SH2D2A: variants seen among roughly 807,000 people sequenced by gnomAD.
The protein encoded by SH2D2A is SH2 domain-containing protein 2A.
A neutral mutation model predicts 43.6 loss-of-function variants in SH2D2A; 33 were observed. That is an observed-to-expected ratio of 0.76 (90% CI 0.57 to 1.01). The LOEUF (loss-of-function observed/expected upper bound fraction) is 1.01. Among genes scored for constraint, SH2D2A ranks in the 50% least tolerant of loss-of-function variants. SH2D2A has a pLI of 0.00. For synonymous variants in SH2D2A, 212 were observed against 206.1 expected, an observed-to-expected ratio of 1.03 and a Z score of -0.25; for missense variants, 491 against 503.1, an observed-to-expected ratio of 0.98 and a Z score of 0.23.
Position 156,814,558 on chromosome 1 carries a change from G to A in SH2D2A, c.309-264C>T, listed in dbSNP as rs76696813. ...CATCCTGAAAGGGCAGCCTGCAGGGGCTGCTACTGCAGCTACAGGGATGGG... is the reference window on the plus strand; with the variant it reads ...CATCCTGAAAGGGCAGCCTGCAGGGACTGCTACTGCAGCTACAGGGATGGG... On this transcript the variant is annotated intron_variant, in intron 3 of 8. Transcript: ENST00000368199. 1.5e-3 allele frequency: 834 copies of A among 538,276 alleles called. 2 individuals are homozygous for A. The highest frequency in any genetic ancestry group is 0.015 in the African/African-American group (765 of 51,758). The allele number at this position is 538,276 out of a possible 1,614,324, so 33.3% of individuals were successfully genotyped here.
chr1:156,814,315 G>T, intron 3 of SH2D2A, 21 bp from the exon 4 acceptor site: 1 of 1,609,768 alleles, frequency 6.2e-7, no homozygotes. Flanking sequence ...CGGAGAGAGG[G>T]GGCCGAACCC....
At chr1:156,813,359 A>C (rs563445208) in intron 5 of SH2D2A, among the ~76,000 whole-genome samples, 52 of 152,272 alleles carry the variant, frequency 3.4e-4, no homozygotes, top group African/African-American at 1.3e-3. Flanking sequence ...GTCAAAGCTG[A>C]AAATACCAGG....
At chr1:156,812,127 A>T (rs1653461805) in intron 5 of SH2D2A, among the ~76,000 whole-genome samples, 1 of 151,778 alleles carries the variant, frequency 6.6e-6, no homozygotes, top group African/African-American at 2.4e-5. Context: ...AATCCCACAA[A>T]AACCCAGCAG....
intron 3 of SH2D2A, 72 bp downstream of exon 3, chr1:156,814,965 G>T: frequency 7.6e-7 from 1 of 1,315,892 alleles, no homozygotes; most frequent in Non-Finnish European, 1.0e-6. Context: ...ATCTATTCCT[G>T]GCAGGTGGCA....
chr1:156,816,364 G>A (rs914260286), intron 1 of SH2D2A, among the ~76,000 whole-genome samples: 2 of 152,166 alleles, frequency 1.3e-5, no homozygotes, highest in African/African-American at 4.8e-5. Context: ...GGATGGTCAG[G>A]GAGGCAGATC....
intron 2 of SH2D2A, 118 bp downstream of exon 2, chr1:156,815,888 C>A (rs1653863344): frequency 6.2e-7 from 1 of 1,613,652 alleles, no homozygotes; most frequent in East Asian, 2.2e-5. Context: ...CGTTGGCAGA[C>A]CCGGATCATT....
At position 156,816,740 on chromosome 1, in the gene SH2D2A, G is replaced by C. The variant is rs374433025; in HGVS notation, c.-32C>G. The C allele has an allele frequency of 1.1e-5, 18 of 1,580,228 alleles. No individual in the cohort carries two copies. Among genetic ancestry groups the C allele is most frequent in the Non-Finnish European group, 1.5e-5 (18 of 1,163,128 alleles). On this transcript the variant is annotated 5_prime_UTR_variant, in exon 1 of 9. Transcript: ENST00000368199. ...AGCCTCACAAGGGATCCCAGAGCAG[G>C]GTGTGTGTATGTGTTCCGGAAAGGT...
At chr1:156,815,743 A>G (rs903106341) in intron 2 of SH2D2A, 54 of 1,485,708 alleles carry the variant, frequency 3.6e-5, no homozygotes, top group Middle Eastern at 1.7e-4. Flanking sequence ...CTGGGACTCA[A>G]TGCACTGCAC....
chr1:156,808,786 T>C (rs1653163865), intron 7 of SH2D2A, among the ~76,000 whole-genome samples: 1 of 152,270 alleles, frequency 6.6e-6, no homozygotes, highest in African/African-American at 2.4e-5. Context: ...AGTGCTCTTT[T>C]TCTCCAGGAC....
At position 156,815,747 on chromosome 1, in the gene SH2D2A, A is replaced by G. The variant is rs563084655; in HGVS notation, c.123+259T>C. ...GATGCCTGCTTCTGGGACTCAATGC[A>G]CTGCACCCTGGTCATCTGCGGACTC... On this transcript the variant is annotated intron_variant, in intron 2 of 8. Coordinates refer to ENST00000368199, the MANE Select transcript of SH2D2A (RefSeq NM_003975.4). 3.0e-4 allele frequency: 451 copies of G among 1,515,772 alleles called. 4 individuals are homozygous for G. The South Asian group carries it at 3.9e-3, about 13-fold the overall frequency. The allele number at this position is 1,515,772 out of a possible 1,614,324, so 93.9% of individuals were successfully genotyped here. A position where few individuals can be genotyped will look rare whatever the true frequency, so the allele number is the denominator to read the frequency against.
chr1:156,816,531 G>A (rs922350726), intron 1 of SH2D2A, 144 bp downstream of exon 1: 4 of 693,340 alleles, frequency 5.8e-6, no homozygotes, highest in African/African-American at 1.8e-5. Context: ...CAGGGTTGTG[G>A]TCACCCTGCC....
rs1448085568 is a variant in SH2D2A, at chr1:156,816,712, G to A, written c.-4C>T. On this transcript the variant is annotated 5_prime_UTR_variant, in exon 1 of 9. Coordinates refer to ENST00000368199, the MANE Select transcript of SH2D2A (RefSeq NM_003975.4). ...TCTGGGCCAGGGGGAACTCCATGAGGGCAGCCTCACAAGGGATCCCAGAGC... is the reference window on the plus strand; with the variant it reads ...TCTGGGCCAGGGGGAACTCCATGAGAGCAGCCTCACAAGGGATCCCAGAGC... 2 of 1,597,744 alleles carry A rather than the reference G, an allele frequency of 1.3e-6. No individual in the cohort carries two copies. Among genetic ancestry groups the A allele is most frequent in the African/African-American group, 2.7e-5 (2 of 73,788 alleles).
Position 156,807,363 on chromosome 1 carries a change from G to C in SH2D2A, c.1003-18C>G. On this transcript the variant is annotated intron_variant, in intron 7 of 8. Coordinates refer to ENST00000368199, the MANE Select transcript of SH2D2A (RefSeq NM_003975.4). The surrounding 1 kb of genome is among the most constrained non-coding windows in gnomAD (Gnocchi z 5.1). ...CCTGTATTCTGCAGAGAGAAGGACA[G>C]TTCTAGGTCACACCCTCTACCCTCT... 6.7e-7 allele frequency: 1 copy of C among 1,502,606 alleles called. No individual in the cohort carries two copies. The highest frequency in any genetic ancestry group is 8.8e-7 in the Non-Finnish European group (1 of 1,130,600). The allele number at this position is 1,502,606 out of a possible 1,614,324, so 93.1% of individuals were successfully genotyped here.
At position 156,809,754 on chromosome 1, in the gene SH2D2A, G is replaced by T. The variant is rs537955696; in HGVS notation, c.621C>A (p.Ser207Arg). The change falls in exon 6 of 9, where the codon AGC (serine) becomes AGA (arginine). Residue 207 changes from serine to arginine, a missense_variant. Transcript: ENST00000368199. This position sits in a 1 kb window ranked among gnomAD's most constrained non-coding sequence, Gnocchi z 4.8. ...ACTGGGGGTTTGGGTCCTGGCTTTT[G>T]CTTCCAAAGTTTGATTCTTCGGTCC... ...SLRTEESNFGSKSQDPNPQYS... is the reference protein window; with the variant it reads ...SLRTEESNFGRKSQDPNPQYS... The T allele has an allele frequency of 6.2e-7, 1 of 1,613,984 alleles. No individual in the cohort carries two copies. The highest frequency in any genetic ancestry group is 8.5e-7 in the Non-Finnish European group (1 of 1,180,016).
intron 5 of SH2D2A, 96 bp downstream of exon 5, chr1:156,813,752 G>T: frequency 8.2e-7 from 1 of 1,215,332 alleles, no homozygotes; most frequent in Non-Finnish European, 1.1e-6. Context: ...TTCGGGATGA[G>T]AAAGTGCCTG....
At position 156,807,445 on chromosome 1, in the gene SH2D2A, C is replaced by T; in HGVS notation, c.1003-100G>A. On this transcript the variant is annotated intron_variant, in intron 7 of 8. Transcript: ENST00000368199. This position sits in a 1 kb window ranked among gnomAD's most constrained non-coding sequence, Gnocchi z 5.1. ...TCTGATCTGAACAGACTTTGGCTTC[C>T]AGAGAGGGTATCTAAACTCCTCTCA... The T allele has an allele frequency of 9.7e-7, 1 of 1,028,346 alleles. No homozygotes were observed. The highest frequency in any genetic ancestry group is 1.4e-6 in the Non-Finnish European group (1 of 731,694). The allele number at this position is 1,028,346 out of a possible 1,614,324, so 63.7% of individuals were successfully genotyped here. A position where few individuals can be genotyped will look rare whatever the true frequency, so the allele number is the denominator to read the frequency against.
At position 156,807,686 on chromosome 1, in the gene SH2D2A, G is replaced by A. The variant is rs1653067994; in HGVS notation, c.1003-341C>T. The stretch of plus-strand genomic sequence containing the variant: ...GTAAGGCACAGGGGGTGGCCTCTGA[G>A]AAGGGAAAGCTGGTCTTGAAGGATG... On this transcript the variant is annotated intron_variant, in intron 7 of 8. Coordinates refer to ENST00000368199, the MANE Select transcript of SH2D2A (RefSeq NM_003975.4). The surrounding 1 kb of genome is among the most constrained non-coding windows in gnomAD (Gnocchi z 5.1). Among the ~76,000 whole-genome samples, 1 of 152,254 alleles carries A rather than the reference G, an allele frequency of 6.6e-6. No homozygotes were observed. Among genetic ancestry groups the A allele is most frequent in the South Asian group, 2.1e-4 (1 of 4,832 alleles).
rs1295164850 is a variant in SH2D2A, at chr1:156,813,942, C to T, written c.473G>A (p.Ser158Asn). ...DGRHVVLGEDSAHARLQDLLL... is the reference protein window; with the variant it reads ...DGRHVVLGEDNAHARLQDLLL... The stretch of plus-strand genomic sequence containing the variant: ...CAGGTCCTGCAGCCGCGCGTGGGCG[C>T]TGTCCTCGCCCAGCACCACGTGGCG... Residue 158 changes from serine to asparagine, a missense_variant, in exon 5 of 9, where the codon AGC becomes AAC. Ser to Asn is a conservative substitution (Grantham distance 46). Coordinates refer to ENST00000368199, the MANE Select transcript of SH2D2A (RefSeq NM_003975.4). The T allele has an allele frequency of 1.3e-6, 2 of 1,534,008 alleles. No individual in the cohort carries two copies. The highest frequency in any genetic ancestry group is 1.7e-6 in the Non-Finnish European group (2 of 1,144,020).
chr1:156,809,403 G>A lies in SH2D2A; in HGVS notation c.802C>T (p.Arg268Cys), dbSNP rs761814792. 12 of 1,613,894 alleles carry A rather than the reference G, an allele frequency of 7.4e-6. No individual in the cohort carries two copies. In the East Asian group the frequency reaches 2.0e-4, roughly 27 times the overall value. The change falls in exon 7 of 9, where the codon CGC (arginine) becomes TGC (cysteine). Residue 268 changes from arginine (R) to cysteine (C), a missense_variant. Coordinates refer to ENST00000368199, the MANE Select transcript of SH2D2A (RefSeq NM_003975.4). This position sits in a 1 kb window ranked among gnomAD's most constrained non-coding sequence, Gnocchi z 4.8. ...GAGGGCTTGGGGCGTGGGGCCGGGCGGTGTCGTGGAACAGGGATTGTGTAG... is the reference window on the plus strand; with the variant it reads ...GAGGGCTTGGGGCGTGGGGCCGGGCAGTGTCGTGGAACAGGGATTGTGTAG... ...EVYTIPVPRH[R>C]PAPRPKPSNP...
Sources: gnomAD v4.1 joint callset for allele counts (sites outside exome capture counted in the v4.1 genomes callset) on GRCh38, gnomAD v4.1.1 for gene constraint, Gnocchi (gnomAD v3.1) non-coding constraint, MANE v1.5 for transcripts, NCBI Gene and HGNC (gene_info 2026-07-23, HGNC 2026-07-21) for gene names.